Variants in MLLT10 observed in about 807,000 individuals in gnomAD.
The protein encoded by MLLT10 is MLLT10 histone lysine methyltransferase DOT1L cofactor.
A neutral mutation model predicts 129.1 loss-of-function variants in MLLT10; 30 were observed. The ratio of observed to expected loss-of-function variants is 0.23; its 90% CI spans 0.17 to 0.32. The LOEUF is 0.32. Ranked by LOEUF, MLLT10 falls within the 10% of genes least tolerant of loss-of-function variation. The pLI is 1.00. For synonymous variants in MLLT10, 490 were observed against 446.4 expected, an observed-to-expected ratio of 1.10 and a Z score of -1.23; for missense variants, 1,119 against 1,268.3, an observed-to-expected ratio of 0.88 and a Z score of 1.79.
intron 3 of MLLT10, among the ~76,000 whole-genome samples, chr10:21,584,167 C>CTT (rs1307789215): frequency 1.7e-4 from 22 of 131,302 alleles, no homozygotes; most frequent in African/African-American, 4.8e-4. Flanking sequence ...CGCGCCCAGC[C>CTT]TTTTTTTTTT....
intron 8 of MLLT10, among the ~76,000 whole-genome samples, chr10:21,623,283 C>T (rs903595226): frequency 2.6e-5 from 4 of 152,222 alleles, no homozygotes. Flanking sequence ...TTCCAAATCT[C>T]TGATCACATG....
At chr10:21,625,940 A>C in intron 8 of MLLT10, 1 of 802,482 alleles carries the variant, frequency 1.2e-6, no homozygotes, top group Non-Finnish European at 2.3e-6. Context: ...TTTACCTACA[A>C]ACACCTCTGT....
intron 13 of MLLT10, among the ~76,000 whole-genome samples, chr10:21,701,284 A>T (rs1421265571): frequency 1.0e-4 from 13 of 123,928 alleles, no homozygotes; most frequent in African/African-American, 1.2e-4. Flanking sequence ...CATTTCATTG[A>T]TTTTTTTTTT....
At chr10:21,546,705 T>G (rs1224342204) in intron 3 of MLLT10, among the ~76,000 whole-genome samples, 2 of 151,718 alleles carry the variant, frequency 1.3e-5, no homozygotes, top group Non-Finnish European at 2.9e-5. Context: ...GTAGCTGGGC[T>G]TGCAGGTGCC....
At chr10:21,626,334 G>T in intron 8 of MLLT10, 1 of 838,330 alleles carries the variant, frequency 1.2e-6, no homozygotes, top group East Asian at 2.5e-5. Flanking sequence ...CCAGTGCAAG[G>T]CATTTTGAAA....
intron 2 of MLLT10, among the ~76,000 whole-genome samples, chr10:21,537,819 T>A (rs1042205228): frequency 6.6e-6 from 1 of 152,196 alleles, no homozygotes; most frequent in African/African-American, 2.4e-5. Flanking sequence ...TTTTCATATT[T>A]CTGCCTAGCA....
At chr10:21,686,650 A>G (rs2053319966) in intron 13 of MLLT10, among the ~76,000 whole-genome samples, 1 of 152,154 alleles carries the variant, frequency 6.6e-6, no homozygotes. Context: ...AAATGAAGAC[A>G]TATGCTTTAA....
intron 4 of MLLT10, among the ~76,000 whole-genome samples, chr10:21,586,899 AT>A (rs930816913): frequency 6.7e-6 from 1 of 150,374 alleles, no homozygotes; most frequent in Non-Finnish European, 1.5e-5. Flanking sequence ...AAAAAAAAGT[AT>A]TTTTTTTAAA....
intron 1 of MLLT10, 24 bp downstream of exon 1, chr10:21,534,544 G>C: frequency 7.5e-7 from 1 of 1,329,542 alleles, no homozygotes; most frequent in Non-Finnish European, 1.0e-6. Flanking sequence ...GGGCTGCCGG[G>C]CCGGGCGGGG....
At chr10:21,588,510 C>G (rs1261999198) in intron 4 of MLLT10, among the ~76,000 whole-genome samples, 2 of 151,948 alleles carry the variant, frequency 1.3e-5, no homozygotes, top group South Asian at 2.1e-4. Context: ...TGCTTGTATA[C>G]AAGTATATCT....
At chr10:21,660,871 CAAAAAAAAAAAA>C (rs770411226) in intron 9 of MLLT10, among the ~76,000 whole-genome samples, 842 of 81,422 alleles carry the variant, frequency 0.01, 10 homozygotes, top group African/African-American at 0.042. Flanking sequence ...AACTCTGTCT[CAAAAAAAAAAAA>C]AAAAAAAAAA....
chr10:21,578,700 C>T (rs369410565), intron 3 of MLLT10, among the ~76,000 whole-genome samples: 123 of 152,254 alleles, frequency 8.1e-4, no homozygotes, highest in African/African-American at 2.8e-3. Flanking sequence ...AAGTATATTT[C>T]TTTACTCTTT....
At chr10:21,738,594 C>T (rs1030369498) in intron 21 of MLLT10, 32 of 1,215,948 alleles carry the variant, frequency 2.6e-5, no homozygotes, top group East Asian at 5.9e-5. Flanking sequence ...GCACAGCTTC[C>T]GCTCGACACT....
At chr10:21,567,095 G>A (rs1397622213) in intron 3 of MLLT10, among the ~76,000 whole-genome samples, 1 of 152,076 alleles carries the variant, frequency 6.6e-6, no homozygotes, top group Non-Finnish European at 1.5e-5. Flanking sequence ...TTACAGGCGC[G>A]AGCCACCGAG....
chr10:21,572,167 T>G (rs2040270928), intron 3 of MLLT10: 1 of 152,218 alleles, frequency 6.6e-6, no homozygotes, highest in Non-Finnish European at 1.5e-5. Flanking sequence ...TTGAAAACAG[T>G]CTCTTTTTCT....
chr10:21,577,334 G>A (rs1355056208), intron 3 of MLLT10, among the ~76,000 whole-genome samples: 2 of 152,080 alleles, frequency 1.3e-5, no homozygotes, highest in Non-Finnish European at 2.9e-5. Flanking sequence ...ACATTTGTCT[G>A]CAAATCCAGA....
At chr10:21,608,872 T>C (rs2044319845) in intron 5 of MLLT10, among the ~76,000 whole-genome samples, 1 of 152,210 alleles carries the variant, frequency 6.6e-6, no homozygotes, top group Non-Finnish European at 1.5e-5. Context: ...CTGGGTACTC[T>C]CAAAGACAGT....
intron 3 of MLLT10, among the ~76,000 whole-genome samples, chr10:21,585,886 C>A (rs2041938599): frequency 6.6e-6 from 1 of 152,164 alleles, no homozygotes; most frequent in Non-Finnish European, 1.5e-5. Context: ...CTCAGCCTCC[C>A]CAGTAGCTGG....
chr10:21,731,910 C>T (rs984544119), intron 17 of MLLT10, among the ~76,000 whole-genome samples: 2 of 152,080 alleles, frequency 1.3e-5, no homozygotes, highest in Admixed American at 6.6e-5. Flanking sequence ...AGCTAAGTGC[C>T]ATAAATTGGT....
Sources: gnomAD v4.1 joint callset for allele counts (sites outside exome capture counted in the v4.1 genomes callset) on GRCh38, gnomAD v4.1.1 for gene constraint, MANE v1.5 for transcripts, NCBI Gene and HGNC (gene_info 2026-07-23, HGNC 2026-07-21) for gene names.